ALDOB: variants seen among roughly 807,000 people sequenced by gnomAD.
ALDOB encodes the protein fructose-bisphosphate aldolase B.
Under a neutral mutation model 41.0 loss-of-function variants are expected in ALDOB, and 39 were observed. The ratio of observed to expected loss-of-function variants is 0.95; its 90% CI spans 0.74 to 1.24. The LOEUF is 1.24. Ranked by LOEUF, ALDOB falls within the 50% of genes most tolerant of loss-of-function variation. The pLI, the probability that ALDOB is intolerant of heterozygous loss-of-function variation, is 0.00. For missense variants in ALDOB, 530 were observed against 457.3 expected (o/e 1.16, Z -1.45); for synonymous variants, 175 against 168.8 (o/e 1.04, Z -0.28).
At chr9:101,433,160 A>G (rs1391158620) in intron 1 of ALDOB, among the ~76,000 whole-genome samples, 8 of 152,256 alleles carry the variant, frequency 5.3e-5, no homozygotes, top group African/African-American at 9.6e-5. Flanking sequence ...GTTAAATTGC[A>G]TGATAAACAT....
At chr9:101,427,363 A>C in intron 5 of ALDOB, 119 bp downstream of exon 5, 2 of 1,320,060 alleles carry the variant, frequency 1.5e-6, no homozygotes, top group Non-Finnish European at 2.1e-6. Flanking sequence ...GAAAAATGCC[A>C]CTAGGATATA....
chr9:101,422,044 G>A (rs931634207), intron 8 of ALDOB, 140 bp from the exon 9 acceptor site: 2 of 734,856 alleles, frequency 2.7e-6, no homozygotes, highest in Non-Finnish European at 4.9e-6. Context: ...ATATTGCTGG[G>A]GATACCATCC....
intron 4 of ALDOB, 23 bp downstream of exon 4, chr9:101,428,446 A>G (rs752270293): frequency 6.2e-7 from 1 of 1,608,304 alleles, no homozygotes. Context: ...GGCATGATTC[A>G]TCTCAGTGGG....
At chr9:101,427,752 C>T in intron 4 of ALDOB, 110 bp from the exon 5 acceptor site, 1 of 1,367,114 alleles carries the variant, frequency 7.3e-7, no homozygotes, top group South Asian at 1.2e-5. Context: ...ATCCACTGTG[C>T]TTGAGGATTG....
intron 8 of ALDOB, 150 bp downstream of exon 8, chr9:101,424,693 T>TA: frequency 1.1e-6 from 1 of 891,948 alleles, no homozygotes; most frequent in East Asian, 2.6e-5. Flanking sequence ...TCAATCCTCA[T>TA]ACTGACCTCT....
At position 101,421,917 on chromosome 9, in the gene ALDOB, T is replaced by C. The variant is rs772352607; in HGVS notation, c.1000-13A>G. 7 of 1,610,412 alleles carry C rather than the reference T, an allele frequency of 4.3e-6. No individual in the cohort carries two copies. Among genetic ancestry groups the C allele is most frequent in the Admixed American group, 1.7e-5 (1 of 59,856 alleles). On this transcript the variant is annotated splice_polypyrimidine_tract_variant and intron_variant, in intron 8 of 8. Coordinates refer to ENST00000647789, the MANE Select transcript of ALDOB (RefSeq NM_000035.4). ...CCTGGCAGTTAGCCTAGAAGACAAA[T>C]ATGAGAGAGGAGACTGGTTAGAGTA...
intron 8 of ALDOB, among the ~76,000 whole-genome samples, chr9:101,424,468 T>A (rs79047864): frequency 0.079 from 12,044 of 152,210 alleles, 536 homozygotes; most frequent in Middle Eastern, 0.16. Flanking sequence ...GAAATTCTTC[T>A]GTCTTTATTC....
At chr9:101,430,021 C>T in intron 2 of ALDOB, 55 bp from the exon 3 acceptor site, 1 of 1,445,294 alleles carries the variant, frequency 6.9e-7, no homozygotes. Context: ...TTTCCTGTCA[C>T]CCTTCTCCAC....
rs370793608 is a variant in ALDOB, at chr9:101,426,567, A to T, written c.612T>A (p.Tyr204Ter). 4 of 1,610,140 alleles carry T rather than the reference A, an allele frequency of 2.5e-6. No individual in the cohort carries two copies. The highest frequency in any genetic ancestry group is 3.4e-6 in the Non-Finnish European group (4 of 1,176,486). Residue 204 changes from tyrosine (Y) to a stop codon, truncating the protein, a stop_gained, in exon 6 of 9, where the codon TAT (tyrosine) becomes TAA (stop). Coordinates refer to ENST00000647789, the MANE Select transcript of ALDOB (RefSeq NM_000035.4). LOFTEE classifies it high-confidence loss of function. ...ATTTAAAACTTACCTTCTCAGTAAC[A>T]TACTGGCAGTGTTCCAGGTCATGGT... ...DGDHDLEHCQ[Y>*]VTEKVLAAVY...
At chr9:101,422,187 A>T (rs374216407) in intron 8 of ALDOB, among the ~76,000 whole-genome samples, 1 of 152,198 alleles carries the variant, frequency 6.6e-6, no homozygotes, top group African/African-American at 2.4e-5. Context: ...CTAGAAACTA[A>T]AGTTGAAAAA....
rs1831152038 is a variant in ALDOB at position 101,427,657 on chromosome 9, A to C, written c.380-15T>G. 1 of 1,613,818 alleles carries C rather than the reference A, an allele frequency of 6.2e-7. No individual in the cohort carries two copies. Among genetic ancestry groups the C allele is most frequent in the Non-Finnish European group, 8.5e-7 (1 of 1,180,012 alleles). On this transcript the variant is annotated splice_polypyrimidine_tract_variant and intron_variant, in intron 4 of 8. Coordinates refer to ENST00000647789, the MANE Select transcript of ALDOB (RefSeq NM_000035.4). ...GCCATCAAGCCCTGCAAGTCACAAA[A>C]GAGAGAAAGGCTTCTTTGTACCTTT...
Position 101,427,561 on chromosome 9 carries a change from A to G in ALDOB, c.461T>C (p.Ile154Thr), listed in dbSNP as rs746437196. ...GAGGCTGGATGGACACTGGTCGGCA[A>G]TCCTCAGCACAGCACGCCACTTCCC... ...DFGKWRAVLR[I>T]ADQCPSSLAI... The change falls in exon 5 of 9, where the codon ATT (isoleucine) becomes ACT (threonine). Residue 154 changes from isoleucine (I) to threonine (T), a missense_variant. Coordinates refer to ENST00000647789, the MANE Select transcript of ALDOB (RefSeq NM_000035.4). 6.2e-7 allele frequency: 1 copy of G among 1,614,176 alleles called. No homozygotes were observed. Among genetic ancestry groups the G allele is most frequent in the Admixed American group, 1.7e-5 (1 of 60,020 alleles).
In ALDOB at chr9:101,429,895, TTTCTCGGAACTGCCGGCGG is replaced by T. The variant is rs1831191749; in HGVS notation, c.165_183del (p.Asn55LysfsTer17). ...ATGGAACTGTCCACAGAGAAGAGGA[TTTCTCGGAACTGCCGGCGG>T]TTCTCTTCAGTGTTTTCCACCTTGA... On this transcript the variant is annotated frameshift_variant, in exon 3 of 9. Coordinates refer to ENST00000647789, the MANE Select transcript of ALDOB (RefSeq NM_000035.4). LOFTEE classifies it high-confidence loss of function. 1 of 1,613,884 alleles carries T rather than the reference TTTCTCGGAACTGCCGGCGG, an allele frequency of 6.2e-7. No homozygotes were observed. Among genetic ancestry groups the T allele is most frequent in the Non-Finnish European group, 8.5e-7 (1 of 1,179,986 alleles).
At chr9:101,431,750 A>G (rs1287173247) in intron 1 of ALDOB, among the ~76,000 whole-genome samples, 1 of 152,178 alleles carries the variant, frequency 6.6e-6, no homozygotes, top group Non-Finnish European at 1.5e-5. Context: ...TGTTACAAAG[A>G]GTGCTTTTTG....
At position 101,425,610 on chromosome 9, in the gene ALDOB, G is replaced by A; in HGVS notation, c.642C>T (p.Tyr214=). 3 of 1,614,136 alleles carry A rather than the reference G, an allele frequency of 1.9e-6. No individual in the cohort carries two copies. In the South Asian group the frequency reaches 3.3e-5, roughly 18 times the overall value. ...AAACATGATGGTCATTCAGGGCCTT[G>A]TAGACAGCAGCCAGGACCTGAAGGA... ...YVTEKVLAAV[Y]KALNDHHVYL... Residue 214 remains tyrosine, a synonymous_variant, in exon 7 of 9, where the codon TAC becomes TAT. Transcript: ENST00000647789.
At chr9:101,430,246 C>CTCAGT (rs1831198044) in intron 2 of ALDOB, among the ~76,000 whole-genome samples, 1 of 152,094 alleles carries the variant, frequency 6.6e-6, no homozygotes, top group African/African-American at 2.4e-5. Context: ...CTCTAGCCTC[C>CTCAGT]CTGATCTGGT....
chr9:101,426,354 A>C (rs1318368976), intron 6 of ALDOB, among the ~76,000 whole-genome samples: 1 of 152,226 alleles, frequency 6.6e-6, no homozygotes, highest in Admixed American at 6.5e-5. Flanking sequence ...AAGTCTTGGT[A>C]CTGCAACTCC....
At chr9:101,434,706 G>A (rs771084408) in intron 1 of ALDOB, among the ~76,000 whole-genome samples, 3 of 152,270 alleles carry the variant, frequency 2.0e-5, no homozygotes, top group South Asian at 4.1e-4. Flanking sequence ...TAACACACGC[G>A]GAGCAGCCCA....
rs756357123 is a variant in ALDOB, at chr9:101,427,504, C to A, written c.518G>T (p.Arg173Leu). The A allele has an allele frequency of 6.2e-7, 1 of 1,614,180 alleles. No individual in the cohort carries two copies. The highest frequency in any genetic ancestry group is 1.3e-5 in the African/African-American group (1 of 75,060). Reference sequence around the variant, plus strand: ...CACCTGCTGACAGATGCTGGCGTAGCGAGCCAGGGCGTTGGCGTTTTCCTG... The same window carrying A: ...CACCTGCTGACAGATGCTGGCGTAGAGAGCCAGGGCGTTGGCGTTTTCCTG... ...AIQENANALA[R>L]YASICQQNGL... Residue 173 changes from arginine to leucine, a missense_variant, in exon 5 of 9, where the codon CGC (arginine) becomes CTC (leucine). Arg to Leu is a moderately radical substitution (Grantham distance 102). Coordinates refer to ENST00000647789, the MANE Select transcript of ALDOB (RefSeq NM_000035.4).
Sources: allele counts gnomAD v4.1 joint callset (sites outside exome capture counted in the v4.1 genomes callset), GRCh38; gene constraint gnomAD v4.1.1; transcripts MANE v1.5; gene names NCBI Gene and HGNC (gene_info 2026-07-23, HGNC 2026-07-21).